The following IL1RAPL2 variants were observed in gnomAD, a reference collection of about 807,000 sequenced individuals.
IL1RAPL2 encodes the protein X-linked interleukin-1 receptor accessory protein-like 2.
In IL1RAPL2, 3 loss-of-function variants were observed where a neutral mutation model predicts 44.1. The ratio of observed to expected loss-of-function variants is 0.07; its 90% CI spans 0.03 to 0.18. The LOEUF (loss-of-function observed/expected upper bound fraction) is 0.18, where lower values mean the gene tolerates loss of function less well. Among genes scored for constraint, IL1RAPL2 ranks in the 10% least tolerant of loss-of-function variants. IL1RAPL2 has a pLI of 1.00. For missense variants in IL1RAPL2, 391 were observed against 496.4 expected (o/e 0.79, Z 2.02); for synonymous variants, 181 against 178.8 (o/e 1.01, Z -0.10).
At chrX:105,733,536 T>G (rs1179247844) in intron 7 of IL1RAPL2, among the ~76,000 whole-genome samples, 1 of 111,526 alleles carries the variant, frequency 9.0e-6, no homozygotes, top group Non-Finnish European at 1.9e-5. Flanking sequence ...TCTTGGACAT[T>G]TTTTACATTA....
At chrX:104,831,177 T>C (rs759714758) in intron 2 of IL1RAPL2, among the ~76,000 whole-genome samples, 4 of 111,846 alleles carry the variant, frequency 3.6e-5, no homozygotes, top group Non-Finnish European at 7.5e-5. Flanking sequence ...GTGAAAGCTA[T>C]AGGTAGGAGT....
At chrX:104,888,737 G>A (rs1157803923) in intron 2 of IL1RAPL2, among the ~76,000 whole-genome samples, 2 of 109,238 alleles carry the variant, frequency 1.8e-5, no homozygotes, top group Non-Finnish European at 3.8e-5. Context: ...AAAAAACTGG[G>A]TCTTTACCAA....
intron 5 of IL1RAPL2, among the ~76,000 whole-genome samples, chrX:105,375,524 A>G (rs2035381261): frequency 8.9e-6 from 1 of 111,732 alleles, no homozygotes; most frequent in African/African-American, 3.3e-5. Flanking sequence ...ACAAACAAAC[A>G]AACAATCAAC....
intron 2 of IL1RAPL2, among the ~76,000 whole-genome samples, chrX:105,108,816 C>T (rs962278468): frequency 3.6e-5 from 4 of 111,694 alleles, no homozygotes; most frequent in Admixed American, 9.5e-5. Flanking sequence ...ATTTTACAAA[C>T]GTAAATTAGA....
At chrX:105,374,160 G>A (rs947706649) in intron 5 of IL1RAPL2, among the ~76,000 whole-genome samples, 2 of 107,869 alleles carry the variant, frequency 1.9e-5, no homozygotes, top group Non-Finnish European at 3.8e-5. Flanking sequence ...GATGGCTGTA[G>A]GTGTGTGGCC....
intron 5 of IL1RAPL2, among the ~76,000 whole-genome samples, chrX:105,300,262 A>G (rs1201513367): frequency 9.0e-6 from 1 of 111,662 alleles, no homozygotes; most frequent in Non-Finnish European, 1.9e-5. Flanking sequence ...TCTGCAGGCT[A>G]TACAGGAAGC....
At chrX:104,897,237 A>T (rs1222433864) in intron 2 of IL1RAPL2, among the ~76,000 whole-genome samples, 1 of 112,092 alleles carries the variant, frequency 8.9e-6, no homozygotes, top group Non-Finnish European at 1.9e-5. Context: ...CTGGATGTCA[A>T]GATAGATTCT....
intron 2 of IL1RAPL2, among the ~76,000 whole-genome samples, chrX:105,149,024 G>T (rs1393014851): frequency 8.9e-6 from 1 of 111,870 alleles, no homozygotes; most frequent in Admixed American, 9.5e-5. Flanking sequence ...AAATTACCCA[G>T]CCTGTGGTAT....
intron 1 of IL1RAPL2, among the ~76,000 whole-genome samples, chrX:104,609,978 C>A (rs1052952484): frequency 8.9e-6 from 1 of 112,115 alleles, no homozygotes; most frequent in Admixed American, 9.5e-5. Flanking sequence ...TTCTCCCCAT[C>A]TTTGTGGATT....
chrX:105,475,745 G>T (rs1468629697), intron 5 of IL1RAPL2, among the ~76,000 whole-genome samples: 2 of 110,906 alleles, frequency 1.8e-5, no homozygotes, highest in African/African-American at 6.5e-5. Context: ...TTTCCCCCAA[G>T]GTTGTTTTCT....
chrX:104,726,832 T>A (rs1478405426), intron 2 of IL1RAPL2, among the ~76,000 whole-genome samples: 1 of 110,889 alleles, frequency 9.0e-6, no homozygotes, highest in Non-Finnish European at 1.9e-5. Context: ...TAATTTGAAG[T>A]CAAGTAATGT....
chrX:104,902,101 C>T (rs752897627), intron 2 of IL1RAPL2, among the ~76,000 whole-genome samples: 1 of 111,991 alleles, frequency 8.9e-6, no homozygotes, highest in Admixed American at 9.5e-5. Flanking sequence ...ATCATATTTA[C>T]ACTTGGGCGT....
intron 1 of IL1RAPL2, chrX:104,647,876 A>G: frequency 1.6e-6 from 1 of 627,133 alleles, no homozygotes; most frequent in Admixed American, 2.3e-5. Flanking sequence ...TACTCCACAG[A>G]ATCGGTCAAA....
chrX:104,738,104 A>G (rs751531236), intron 2 of IL1RAPL2, among the ~76,000 whole-genome samples: 1 of 112,174 alleles, frequency 8.9e-6, no homozygotes, highest in African/African-American at 3.2e-5. Context: ...TATTTATCTA[A>G]TGCTTCCACA....
chrX:104,701,320 G>A (rs1931269142), intron 2 of IL1RAPL2, among the ~76,000 whole-genome samples: 1 of 111,734 alleles, frequency 8.9e-6, no homozygotes, highest in African/African-American at 3.3e-5. Context: ...GGTACAGAAA[G>A]GTCGAGTGAC....
chrX:104,918,901 G>T (rs1924543091), intron 2 of IL1RAPL2, among the ~76,000 whole-genome samples: 1 of 111,386 alleles, frequency 9.0e-6, no homozygotes, highest in African/African-American at 3.3e-5. Context: ...AGCCTATGGA[G>T]CTCCTCTGTG....
chrX:104,602,230 G>A (rs1453520024), intron 1 of IL1RAPL2, among the ~76,000 whole-genome samples: 2 of 111,297 alleles, frequency 1.8e-5, no homozygotes, highest in Non-Finnish European at 3.8e-5. Context: ...AGTGCAAGAG[G>A]TTGGGGAATT....
chrX:104,770,651 C>A (rs746806572), intron 2 of IL1RAPL2, among the ~76,000 whole-genome samples: 2 of 112,035 alleles, frequency 1.8e-5, no homozygotes, highest in African/African-American at 6.5e-5. Flanking sequence ...TGATTTAAAG[C>A]GAGAGTCTGA....
chrX:105,658,271 G>A (rs1009484673), intron 6 of IL1RAPL2, among the ~76,000 whole-genome samples: 40 of 111,394 alleles, frequency 3.6e-4, no homozygotes, highest in African/African-American at 1.2e-3. Context: ...AAGAGTCTCT[G>A]CTTGGTGATC....
Sources: allele counts gnomAD v4.1 joint callset (sites outside exome capture counted in the v4.1 genomes callset), GRCh38; gene constraint gnomAD v4.1.1; transcripts MANE v1.5; gene names NCBI Gene and HGNC (gene_info 2026-07-23, HGNC 2026-07-21).